SLC35F4: variants seen among roughly 807,000 people sequenced by gnomAD.
SLC35F4 encodes the protein solute carrier family 35 member F4, also known as chromosome 14 open reading frame 36.
SLC35F4 carries 24 observed loss-of-function variants against 44.2 expected under a neutral mutation model. That is an observed-to-expected ratio of 0.54 (90% CI 0.39 to 0.76). SLC35F4 has a LOEUF of 0.76. SLC35F4 is among the 30% of genes least tolerant of loss of function. The probability of loss-of-function intolerance (pLI) is 0.00; values close to 1 mark genes in which losing one functional copy is unlikely to be tolerated. For missense variants in SLC35F4, 562 were observed against 586.1 expected (o/e 0.96, Z 0.42); for synonymous variants, 238 against 223.6 (o/e 1.06, Z -0.57).
chr14:57,924,139 G>A (rs566199144), intron 1 of SLC35F4, among the ~76,000 whole-genome samples: 9 of 152,324 alleles, frequency 5.9e-5, no homozygotes, highest in African/African-American at 2.2e-4. Flanking sequence ...CACCAGCCAT[G>A]TGGAACTGTA....
intron 1 of SLC35F4, among the ~76,000 whole-genome samples, chr14:57,932,776 G>C (rs1417030745): frequency 1.3e-5 from 2 of 152,066 alleles, no homozygotes; most frequent in Non-Finnish European, 2.9e-5. Flanking sequence ...TTGAATCCAG[G>C]GGGCAGAGGT....
At chr14:57,669,226 T>C (rs1323578051) in intron 1 of SLC35F4, among the ~76,000 whole-genome samples, 2 of 151,892 alleles carry the variant, frequency 1.3e-5, no homozygotes, top group African/African-American at 4.9e-5. Flanking sequence ...TAAGGAGATT[T>C]TGGGCTGAGA....
chr14:57,739,951 C>A (rs140120437), intron 1 of SLC35F4, among the ~76,000 whole-genome samples: 18 of 152,248 alleles, frequency 1.2e-4, no homozygotes, highest in Admixed American at 2.0e-4. Flanking sequence ...CCTCTGCCTG[C>A]GGGGTTCAAG....
chr14:57,708,967 G>C (rs1332099351), intron 1 of SLC35F4, among the ~76,000 whole-genome samples: 1 of 152,150 alleles, frequency 6.6e-6, no homozygotes, highest in African/African-American at 2.4e-5. Flanking sequence ...GAGACTTTTA[G>C]TACTTTCACT....
chr14:57,637,876 G>A (rs542640183), intron 1 of SLC35F4, among the ~76,000 whole-genome samples: 1 of 152,148 alleles, frequency 6.6e-6, no homozygotes, highest in South Asian at 2.1e-4. Context: ...GCCATGATGG[G>A]ATGGGAGGTC....
chr14:57,950,905 T>C (rs1251381545), intron 1 of SLC35F4, among the ~76,000 whole-genome samples: 2 of 152,102 alleles, frequency 1.3e-5, no homozygotes, highest in East Asian at 3.9e-4. Flanking sequence ...GACCTCATGA[T>C]CCACCCACCT....
At chr14:57,574,120 G>C (rs1182548268) in intron 4 of SLC35F4, among the ~76,000 whole-genome samples, 3 of 152,086 alleles carry the variant, frequency 2.0e-5, no homozygotes, top group Non-Finnish European at 4.4e-5. Context: ...ACAGGCAGTT[G>C]GTTTCATTAT....
intron 1 of SLC35F4, among the ~76,000 whole-genome samples, chr14:57,910,398 T>A (rs561084536): frequency 6.6e-6 from 1 of 152,224 alleles, no homozygotes; most frequent in South Asian, 2.1e-4. Context: ...TTAGGCCTTA[T>A]CCAATGTTGT....
intron 1 of SLC35F4, among the ~76,000 whole-genome samples, chr14:57,786,387 C>G (rs1325736522): frequency 2.0e-5 from 3 of 152,140 alleles, no homozygotes; most frequent in South Asian, 2.1e-4. Context: ...CGGCCCCGCC[C>G]ACTGCTGGTC....
chr14:57,578,690 A>G (rs987272550), intron 4 of SLC35F4: 1 of 152,114 alleles, frequency 6.6e-6, no homozygotes, highest in African/African-American at 2.4e-5. Flanking sequence ...CCTCTTACTT[A>G]AAAAGAAAAA....
At chr14:57,664,490 C>T (rs892271774) in intron 1 of SLC35F4, among the ~76,000 whole-genome samples, 4 of 152,228 alleles carry the variant, frequency 2.6e-5, no homozygotes, top group South Asian at 2.1e-4. Context: ...CTCACTGCAA[C>T]CTCCGCCTTC....
Position 57,737,832 on chromosome 14 carries a change from C to A in SLC35F4, c.103+127891G>T, listed in dbSNP as rs1594923406. Among the ~76,000 whole-genome samples, 3 of 152,296 alleles carry A rather than the reference C, an allele frequency of 2.0e-5. 1 individual carries two copies. On this transcript the variant is annotated intron_variant, in intron 1 of 7. Transcript: ENST00000556826. ...GCACTCACTGCCTCCAAGGGCAGAG[C>A]AGTTGAATTAATCCTTTCCAAATGC...
At chr14:57,919,535 A>G (rs1316581927) in intron 1 of SLC35F4, among the ~76,000 whole-genome samples, 1 of 152,098 alleles carries the variant, frequency 6.6e-6, no homozygotes, top group Non-Finnish European at 1.5e-5. Flanking sequence ...GAAAGCGGGG[A>G]AGAAAAAGCA....
chr14:57,683,640 C>T (rs1305524191), intron 1 of SLC35F4, among the ~76,000 whole-genome samples: 1 of 152,222 alleles, frequency 6.6e-6, no homozygotes, highest in Non-Finnish European at 1.5e-5. Flanking sequence ...GTACTGCTTT[C>T]AAGTGCCCTT....
chr14:57,681,342 C>A (rs2074898198), intron 1 of SLC35F4, among the ~76,000 whole-genome samples: 1 of 152,018 alleles, frequency 6.6e-6, no homozygotes, highest in Admixed American at 6.5e-5. Flanking sequence ...AAACTGGATC[C>A]CTTCCTTACA....
chr14:57,610,368 G>A (rs2071419241), intron 1 of SLC35F4, among the ~76,000 whole-genome samples: 1 of 152,062 alleles, frequency 6.6e-6, no homozygotes. Flanking sequence ...ACACTTATAG[G>A]GCAACCACTT....
chr14:57,670,654 T>TA (rs1259642053), intron 1 of SLC35F4, among the ~76,000 whole-genome samples: 1 of 152,026 alleles, frequency 6.6e-6, no homozygotes, highest in African/African-American at 2.4e-5. Context: ...GAGTGAGTCT[T>TA]AATCCTGAGT....
intron 1 of SLC35F4, among the ~76,000 whole-genome samples, chr14:57,769,974 G>T (rs988056170): frequency 2.6e-5 from 4 of 152,130 alleles, no homozygotes; most frequent in Admixed American, 1.3e-4. Context: ...AACACCATCT[G>T]CCTTCTTTGC....
chr14:57,911,450 G>T (rs1260602942), intron 1 of SLC35F4, among the ~76,000 whole-genome samples: 1 of 151,926 alleles, frequency 6.6e-6, no homozygotes, highest in Non-Finnish European at 1.5e-5. Flanking sequence ...TCAAGTTGAG[G>T]AAGTTTTTCT....
Sources: gnomAD v4.1 joint callset for allele counts (sites outside exome capture counted in the v4.1 genomes callset) on GRCh38, gnomAD v4.1.1 for gene constraint, MANE v1.5 for transcripts, NCBI Gene and HGNC (gene_info 2026-07-23, HGNC 2026-07-21) for gene names.